Variants in CDH13 observed in about 807,000 individuals in gnomAD.
The protein encoded by CDH13 is cadherin-13.
In CDH13, 24 loss-of-function variants were observed where a neutral mutation model predicts 63.8. The observed-to-expected ratio is 0.38, with a 90% CI of 0.27 to 0.53. The LOEUF is 0.53. Among genes scored for constraint, CDH13 ranks in the 20% least tolerant of loss-of-function variants. The pLI is 0.85. For synonymous variants in CDH13, 503 were observed against 355.3 expected, an observed-to-expected ratio of 1.42 and a Z score of -4.67; for missense variants, 1,049 against 903.1, an observed-to-expected ratio of 1.16 and a Z score of -2.07.
intron 9 of CDH13, among the ~76,000 whole-genome samples, chr16:83,673,634 T>G (rs1914706649): frequency 6.6e-6 from 1 of 152,178 alleles, no homozygotes; most frequent in African/African-American, 2.4e-5. Flanking sequence ...GCCATTCTCC[T>G]CTCCCTACAT....
chr16:83,015,714 T>G (rs1431535898), intron 2 of CDH13, among the ~76,000 whole-genome samples: 1 of 116,482 alleles, frequency 8.6e-6, no homozygotes, highest in African/African-American at 3.3e-5. Flanking sequence ...TATATATATA[T>G]ATATATATAA....
chr16:82,894,610 C>G (rs1008754160), intron 2 of CDH13, among the ~76,000 whole-genome samples: 18 of 152,066 alleles, frequency 1.2e-4, no homozygotes, highest in African/African-American at 3.9e-4. Flanking sequence ...CCACTGCACT[C>G]CAGCCTGGGC....
rs367966964 is a variant in CDH13, at chr16:82,736,857, C to G, written c.45+109720C>G. ...GTTCCCACACCTGGTCAGATGGCCT[C>G]TCTTGGTTGTCTTCCTCAATCCTTT... On this transcript the variant is annotated intron_variant, in intron 1 of 13. Coordinates refer to ENST00000567109, the MANE Select transcript of CDH13 (RefSeq NM_001257.5). Among the ~76,000 whole-genome samples, 4 of 152,272 alleles carry G rather than the reference C, an allele frequency of 2.6e-5. No individual in the cohort carries two copies. The South Asian group carries it at 6.2e-4, about 24-fold the overall frequency.
At chr16:82,834,740 C>G (rs1286328498) in intron 1 of CDH13, among the ~76,000 whole-genome samples, 2 of 152,198 alleles carry the variant, frequency 1.3e-5, no homozygotes, top group African/African-American at 2.4e-5. Flanking sequence ...GGGATATTCA[C>G]TGGAGATTTT....
intron 5 of CDH13, among the ~76,000 whole-genome samples, chr16:83,265,870 G>T (rs1486950815): frequency 6.6e-6 from 1 of 151,136 alleles, no homozygotes; most frequent in Admixed American, 6.6e-5. Context: ...CATGAAAACT[G>T]ATGAGCCTCA....
At chr16:82,870,451 A>T (rs1292561494) in intron 2 of CDH13, among the ~76,000 whole-genome samples, 1 of 152,180 alleles carries the variant, frequency 6.6e-6, no homozygotes, top group Non-Finnish European at 1.5e-5. Flanking sequence ...ATGGCCCAAC[A>T]GTCCCACTGC....
intron 1 of CDH13, among the ~76,000 whole-genome samples, chr16:82,761,039 T>C (rs1597495461): frequency 3.5e-5 from 4 of 113,048 alleles, no homozygotes; most frequent in Admixed American, 2.8e-4. Context: ...TTTTTTTTTT[T>C]TTTTTTTGGA....
intron 4 of CDH13, among the ~76,000 whole-genome samples, chr16:83,184,146 TA>T (rs545692184): frequency 0.095 from 11,658 of 123,142 alleles, 589 homozygotes; most frequent in African/African-American, 0.14. Flanking sequence ...ACACAACTAG[TA>T]AAAAAAAAAA....
At chr16:82,627,251 G>T in intron 1 of CDH13, 114 bp downstream of exon 1, 3 of 884,256 alleles carry the variant, frequency 3.4e-6, no homozygotes, top group Non-Finnish European at 5.5e-6. Context: ...TCGCGGCGGC[G>T]AAGACAGATC....
chr16:83,766,329 TA>T (rs1914385114), intron 11 of CDH13, among the ~76,000 whole-genome samples: 1 of 152,238 alleles, frequency 6.6e-6, no homozygotes, highest in Admixed American at 6.5e-5. Flanking sequence ...ATTTGTTTTT[TA>T]AATCAAATTA....
chr16:83,391,921 A>AT (rs892632751), intron 6 of CDH13, among the ~76,000 whole-genome samples: 12 of 151,906 alleles, frequency 7.9e-5, no homozygotes, highest in Non-Finnish European at 1.3e-4. Context: ...GATAAACAAG[A>AT]TTTTTTTTCT....
chr16:82,854,105 A>T (rs1175929348), intron 1 of CDH13, among the ~76,000 whole-genome samples: 1 of 152,140 alleles, frequency 6.6e-6, no homozygotes, highest in Non-Finnish European at 1.5e-5. Context: ...TCTCTTAAGA[A>T]ATTAAAGGGC....
At chr16:82,813,786 C>G (rs973491904) in intron 1 of CDH13, among the ~76,000 whole-genome samples, 2 of 152,190 alleles carry the variant, frequency 1.3e-5, no homozygotes, top group African/African-American at 4.8e-5. Context: ...AGGACCTTTA[C>G]TAACTGTGCC....
chr16:82,904,125 A>T (rs557013881), intron 2 of CDH13, among the ~76,000 whole-genome samples: 1 of 152,218 alleles, frequency 6.6e-6, no homozygotes, highest in South Asian at 2.1e-4. Flanking sequence ...TTAGAGTGAG[A>T]TTTAAAGAAG....
chr16:83,594,626 G>T (rs1333035629), intron 7 of CDH13, among the ~76,000 whole-genome samples: 2 of 152,228 alleles, frequency 1.3e-5, no homozygotes, highest in African/African-American at 4.8e-5. Flanking sequence ...AAACTGTAAA[G>T]AGAGATGTAG....
At position 83,678,479 on chromosome 16, in the gene CDH13, G is replaced by C; in HGVS notation, c.1538+18G>C. The C allele has an allele frequency of 6.2e-7, 1 of 1,613,540 alleles. No homozygotes were observed. Among genetic ancestry groups the C allele is most frequent in the Non-Finnish European group, 8.5e-7 (1 of 1,179,578 alleles). On this transcript the variant is annotated intron_variant, in intron 10 of 13. Transcript: ENST00000567109. ...ACCATCAGGTGGGTGAGTGGCTCCGGAACCACAGACGGGAGGTGGGCAGGA... is the reference window on the plus strand; with the variant it reads ...ACCATCAGGTGGGTGAGTGGCTCCGCAACCACAGACGGGAGGTGGGCAGGA...
rs1179727245 is a variant in CDH13 at position 82,936,879 on chromosome 16, C to G, written c.157+78406C>G. ...CCATTTGCTTGTAGATCTTCATGGA[C>G]TCCTCCCAGAGTTCACCTTTGAAGA... is the stretch of plus-strand genomic sequence containing the variant. On this transcript the variant is annotated intron_variant, in intron 2 of 13. Coordinates refer to ENST00000567109, the MANE Select transcript of CDH13 (RefSeq NM_001257.5). Among the ~76,000 whole-genome samples the G allele has an allele frequency of 3.3e-5, 5 of 152,228 alleles. No homozygotes were observed. The East Asian group carries it at 9.7e-4, about 29-fold the overall frequency.
chr16:82,771,970 T>C (rs2035286475), intron 1 of CDH13, among the ~76,000 whole-genome samples: 1 of 152,174 alleles, frequency 6.6e-6, no homozygotes, highest in Non-Finnish European at 1.5e-5. Context: ...GCTGCTGGGA[T>C]AGTGGGCAGG....
At chr16:82,687,243 G>A (rs1052474852) in intron 1 of CDH13, among the ~76,000 whole-genome samples, 2 of 152,262 alleles carry the variant, frequency 1.3e-5, no homozygotes, top group East Asian at 1.9e-4. Context: ...GAGGAGGCAG[G>A]GTTTAGCACA....
Sources: allele counts gnomAD v4.1 joint callset (sites outside exome capture counted in the v4.1 genomes callset), GRCh38; gene constraint gnomAD v4.1.1; transcripts MANE v1.5; gene names NCBI Gene and HGNC (gene_info 2026-07-23, HGNC 2026-07-21).